The following RASGRP1 variants were observed in gnomAD, a reference collection of about 807,000 sequenced individuals.
RASGRP1 encodes the protein RAS guanyl-releasing protein 1.
Under a neutral mutation model 95.1 loss-of-function variants are expected in RASGRP1, and 37 were observed. The observed-to-expected ratio is 0.39, with a 90% CI of 0.30 to 0.51. The LOEUF is 0.51. RASGRP1 is among the 20% of genes least tolerant of loss of function. RASGRP1 has a pLI of 0.80. For synonymous variants in RASGRP1, 325 were observed against 353.4 expected (o/e 0.92, Z 0.90); for missense variants, 711 against 965.4 (o/e 0.74, Z 3.49).
At chr15:38,521,373 C>A (rs1239021888) in intron 3 of RASGRP1, among the ~76,000 whole-genome samples, 2 of 152,168 alleles carry the variant, frequency 1.3e-5, no homozygotes, top group Non-Finnish European at 2.9e-5. Context: ...GTGTCATTCA[C>A]CTTCTCCCAG....
chr15:38,524,302 G>A (rs1036196145), intron 3 of RASGRP1: 7 of 152,264 alleles, frequency 4.6e-5, no homozygotes, highest in African/African-American at 1.2e-4. Context: ...CAGAAGAATG[G>A]TGGAAACAGT....
At chr15:38,502,501 G>A (rs926522935) in intron 11 of RASGRP1, 80 bp from the exon 12 acceptor site, 1 of 861,554 alleles carries the variant, frequency 1.2e-6, no homozygotes, top group East Asian at 2.6e-5. Context: ...AAAGAGCTGG[G>A]GCAGTTGGAT....
At chr15:38,537,753 A>G (rs1892712384) in intron 2 of RASGRP1, among the ~76,000 whole-genome samples, 1 of 152,108 alleles carries the variant, frequency 6.6e-6, no homozygotes, top group African/African-American at 2.4e-5. Context: ...CATCCCAACT[A>G]TATTAGTAGC....
At chr15:38,524,651 G>T (rs954443646) in intron 3 of RASGRP1, among the ~76,000 whole-genome samples, 1 of 152,200 alleles carries the variant, frequency 6.6e-6, no homozygotes, top group Non-Finnish European at 1.5e-5. Flanking sequence ...ACGAAGTGAG[G>T]AGTAGTAAAG....
At position 38,489,245 on chromosome 15, in the gene RASGRP1, T is replaced by C. The variant is rs1457663592; in HGVS notation, c.*1309A>G. ...GTACCCCCAAAAAGGAAAATGATCA[T>C]ATGATTTTTTTTTTTTTAAGAGAAC... is the stretch of plus-strand genomic sequence containing the variant. On this transcript the variant is annotated 3_prime_UTR_variant, in exon 17 of 17. Transcript: ENST00000310803. 1 of 151,094 alleles carries C rather than the reference T, an allele frequency of 6.6e-6. No homozygotes were observed. Among genetic ancestry groups the C allele is most frequent in the African/African-American group, 2.5e-5 (1 of 40,666 alleles). 9.4% of individuals were successfully genotyped at this position (151,094 alleles called of 1,614,324 possible). A position where few individuals can be genotyped will look rare whatever the true frequency, so the allele number is the denominator to read the frequency against.
At chr15:38,542,835 GTATATATATATATGTGTATATA>G (rs758756433) in intron 2 of RASGRP1, among the ~76,000 whole-genome samples, 3 of 107,190 alleles carry the variant, frequency 2.8e-5, no homozygotes, top group African/African-American at 4.1e-5. Flanking sequence ...ATATATATGT[GTATATATATATATGTGTATATA>G]TATACACATA....
At position 38,494,680 on chromosome 15, in the gene RASGRP1, C is replaced by G; in HGVS notation, c.1961G>C (p.Gly654Ala). 1.3e-6 allele frequency: 2 copies of G among 1,536,780 alleles called. No homozygotes were observed. The highest frequency in any genetic ancestry group is 1.7e-6 in the Non-Finnish European group (2 of 1,147,378). The change falls in exon 16 of 17, where the codon GGA becomes GCA. Residue 654 changes from glycine to alanine, a missense_variant. Gly to Ala is a moderately conservative substitution (Grantham distance 60). Coordinates refer to ENST00000310803, the MANE Select transcript of RASGRP1 (RefSeq NM_005739.4). ...ESKDRTIMLM[G>A]VSSQKISLRL... The stretch of plus-strand genomic sequence containing the variant: ...AAGAGAAATCTTCTGTGAGGACACT[C>G]CCATCAGCATGATGGTCCGATCCTT...
intron 3 of RASGRP1, among the ~76,000 whole-genome samples, chr15:38,523,173 A>T (rs1004324030): frequency 5.9e-5 from 9 of 152,300 alleles, no homozygotes; most frequent in Non-Finnish European, 5.9e-5. Flanking sequence ...CTATTAACTG[A>T]AATTGACCAT....
chr15:38,545,382 T>C (rs923918279), intron 2 of RASGRP1, among the ~76,000 whole-genome samples: 2 of 152,268 alleles, frequency 1.3e-5, no homozygotes, highest in Admixed American at 1.3e-4. Context: ...CCCAGCACAA[T>C]AGCCTTCCTT....
At chr15:38,498,977 C>G in intron 14 of RASGRP1, 31 bp from the exon 15 acceptor site, 1 of 1,613,836 alleles carries the variant, frequency 6.2e-7, no homozygotes, top group Non-Finnish European at 8.5e-7. Context: ...GTCAAGAAGT[C>G]TTTCACTTTT....
At chr15:38,515,929 G>GTGTGA (rs1555401595) in intron 6 of RASGRP1, among the ~76,000 whole-genome samples, 8 of 149,498 alleles carry the variant, frequency 5.4e-5, no homozygotes, top group African/African-American at 2.0e-4. Context: ...GTGTGTGTGT[G>GTGTGA]ATGTGTGCCC....
At chr15:38,495,099 A>G (rs558471933) in intron 15 of RASGRP1, among the ~76,000 whole-genome samples, 5 of 152,168 alleles carry the variant, frequency 3.3e-5, no homozygotes, top group Non-Finnish European at 7.3e-5. Flanking sequence ...CAAGAACAAT[A>G]TCTAGACAGA....
intron 8 of RASGRP1, among the ~76,000 whole-genome samples, chr15:38,508,558 A>C (rs188130694): frequency 2.0e-5 from 3 of 152,206 alleles, no homozygotes. Flanking sequence ...GGGCCTTTCA[A>C]GATTCTCAGA....
chr15:38,522,070 G>T (rs1892023051), intron 3 of RASGRP1, among the ~76,000 whole-genome samples: 1 of 152,102 alleles, frequency 6.6e-6, no homozygotes, highest in Non-Finnish European at 1.5e-5. Context: ...TGCACCCATA[G>T]TAATGCAACA....
At chr15:38,534,342 GTTC>G (rs141572559) in intron 2 of RASGRP1, 1 of 152,126 alleles carries the variant, frequency 6.6e-6, no homozygotes, top group South Asian at 2.1e-4. Context: ...AGCTTGTCCT[GTTC>G]TTCTTTCTGG....
At chr15:38,532,086 T>C (rs1303799489) in intron 2 of RASGRP1, among the ~76,000 whole-genome samples, 1 of 152,240 alleles carries the variant, frequency 6.6e-6, no homozygotes, top group Non-Finnish European at 1.5e-5. Context: ...AAGATCTACC[T>C]TCCAGGCTGC....
At chr15:38,504,941 G>C (rs1891194220) in intron 10 of RASGRP1, 1 of 152,160 alleles carries the variant, frequency 6.6e-6, no homozygotes, top group Non-Finnish European at 1.5e-5. Context: ...GTGCATGACT[G>C]TATTTGAAAC....
At chr15:38,547,974 G>T (rs1893167978) in intron 2 of RASGRP1, among the ~76,000 whole-genome samples, 1 of 136,570 alleles carries the variant, frequency 7.3e-6, no homozygotes, top group Admixed American at 7.4e-5. Flanking sequence ...AAGTTTCCAG[G>T]TTTTTTTTTT....
chr15:38,562,299 C>G (rs1028715015), intron 1 of RASGRP1, among the ~76,000 whole-genome samples: 2 of 152,226 alleles, frequency 1.3e-5, no homozygotes, highest in Non-Finnish European at 2.9e-5. Context: ...GTCCTCAGGT[C>G]CCTAGAGCTG....
Sources: allele counts gnomAD v4.1 joint callset (sites outside exome capture counted in the v4.1 genomes callset), GRCh38; gene constraint gnomAD v4.1.1; transcripts MANE v1.5; gene names NCBI Gene and HGNC (gene_info 2026-07-23, HGNC 2026-07-21).